CDH11: variants seen among roughly 807,000 people sequenced by gnomAD.
CDH11 encodes cadherin-11.
Under a neutral mutation model 67.8 loss-of-function variants are expected in CDH11, and 11 were observed. That is an observed-to-expected ratio of 0.16 (90% CI 0.10 to 0.27). CDH11 has a LOEUF of 0.27. Ranked by LOEUF, CDH11 falls within the 10% of genes least tolerant of loss-of-function variation. The probability of loss-of-function intolerance (pLI) is 1.00; values close to 1 mark genes in which losing one functional copy is unlikely to be tolerated. For synonymous variants in CDH11, 419 were observed against 400.0 expected (o/e 1.05, Z -0.57); for missense variants, 847 against 1,031.2 (o/e 0.82, Z 2.45).
chr16:64,945,306 A>T lies in CDH11; in HGVS notation c.*2297T>A. 1 of 562,074 alleles carries T rather than the reference A, an allele frequency of 1.8e-6. No individual in the cohort carries two copies. The highest frequency in any genetic ancestry group is 2.0e-5 in the African/African-American group (1 of 49,920). The allele number at this position is 562,074 out of a possible 1,614,324, so 34.8% of individuals were successfully genotyped here. On this transcript the variant is annotated 3_prime_UTR_variant, in exon 13 of 13. Coordinates refer to ENST00000268603, the MANE Select transcript of CDH11 (RefSeq NM_001797.4). ...CTTAACGAAAAAATAAAAGGTAAAA[A>T]AAAAAAAAAAAAAGAAAAAGAAAAA...
At chr16:65,091,043 A>G (rs1025213949) in intron 1 of CDH11, among the ~76,000 whole-genome samples, 4 of 152,236 alleles carry the variant, frequency 2.6e-5, no homozygotes, top group Non-Finnish European at 4.4e-5. Context: ...TGATATACGC[A>G]TAAGTGCGTA....
At chr16:64,962,225 G>C (rs2071691718) in intron 11 of CDH11, among the ~76,000 whole-genome samples, 1 of 152,018 alleles carries the variant, frequency 6.6e-6, no homozygotes, top group African/African-American at 2.4e-5. Flanking sequence ...TAAAAATAGT[G>C]ACTAAGAAAA....
chr16:65,096,732 G>A (rs1048904707), intron 1 of CDH11, among the ~76,000 whole-genome samples: 1 of 151,386 alleles, frequency 6.6e-6, no homozygotes, highest in East Asian at 1.9e-4. Context: ...TATCCTGTTG[G>A]TTCTGTTCCC....
rs375631550 is a variant in CDH11 at position 65,084,087 on chromosome 16, C to A, written c.-297-30159G>T. Among the ~76,000 whole-genome samples the A allele has an allele frequency of 4.6e-5, 7 of 152,236 alleles. No individual in the cohort carries two copies. The South Asian group carries it at 6.2e-4, about 14-fold the overall frequency. ...CCCCACAGTCAAGAATTGTCCTGTT[C>A]AAAATGCCAATAAGTGCTGAAGTTG... On this transcript the variant is annotated intron_variant, in intron 1 of 12. Coordinates refer to ENST00000268603, the MANE Select transcript of CDH11 (RefSeq NM_001797.4).
At chr16:64,950,053 G>T (rs189221799) in intron 12 of CDH11, among the ~76,000 whole-genome samples, 1 of 152,104 alleles carries the variant, frequency 6.6e-6, no homozygotes, top group African/African-American at 2.4e-5. Context: ...TCCTGATTTG[G>T]TCAGTCACTA....
intron 3 of CDH11, among the ~76,000 whole-genome samples, chr16:65,002,027 T>A (rs1207630908): frequency 6.6e-6 from 1 of 152,158 alleles, no homozygotes; most frequent in Non-Finnish European, 1.5e-5. Context: ...TGTCATCAAA[T>A]CAAAGGTTGT....
At chr16:65,071,343 C>T (rs1466959832) in intron 1 of CDH11, among the ~76,000 whole-genome samples, 2 of 151,988 alleles carry the variant, frequency 1.3e-5, no homozygotes, top group African/African-American at 2.4e-5. Flanking sequence ...CACACAAACG[C>T]GTGCATACAC....
chr16:65,057,576 TG>T (rs1373949936), intron 1 of CDH11, among the ~76,000 whole-genome samples: 1 of 152,238 alleles, frequency 6.6e-6, no homozygotes, highest in African/African-American at 2.4e-5. Context: ...AGGATGCAGC[TG>T]TGACTGTGGC....
intron 1 of CDH11, among the ~76,000 whole-genome samples, chr16:65,120,154 A>C (rs1342290813): frequency 6.6e-6 from 1 of 152,180 alleles, no homozygotes; most frequent in Non-Finnish European, 1.5e-5. Context: ...GTCTGCACCT[A>C]CGTATTTGTA....
intron 2 of CDH11, among the ~76,000 whole-genome samples, chr16:65,046,874 G>A (rs1440785541): frequency 6.6e-6 from 1 of 152,174 alleles, no homozygotes; most frequent in African/African-American, 2.4e-5. Context: ...TTGGGAGGCC[G>A]AGGCGGGCAG....
chr16:65,015,015 T>TTTATTATTA (rs71143548), intron 2 of CDH11, among the ~76,000 whole-genome samples: 7,891 of 135,758 alleles, frequency 0.058, 492 homozygotes, highest in African/African-American at 0.15. Flanking sequence ...GCCTGGCTAA[T>TTTATTATTA]TTATTATTAT....
chr16:64,972,175 G>C, intron 9 of CDH11, 111 bp from the exon 10 acceptor site: 1 of 885,198 alleles, frequency 1.1e-6, no homozygotes, highest in Non-Finnish European at 1.8e-6. Context: ...GCAGTGCAGG[G>C]AAAGATGTTC....
At position 64,945,886 on chromosome 16, in the gene CDH11, C is replaced by T. The variant is rs994095152; in HGVS notation, c.*1717G>A. The T allele has an allele frequency of 4.4e-5, 46 of 1,057,038 alleles. No individual in the cohort carries two copies. Among genetic ancestry groups the T allele is most frequent in the African/African-American group, 9.9e-5 (6 of 60,580 alleles). The allele number at this position is 1,057,038 out of a possible 1,614,324, so 65.5% of individuals were successfully genotyped here. On this transcript the variant is annotated 3_prime_UTR_variant, in exon 13 of 13. Transcript: ENST00000268603. Reference sequence around the variant, plus strand: ...ATTGTCTGCAATCCAAGAAAAAGCACGTGCCCTGTGTGTAGGGGGAAAGAG... The same window carrying T: ...ATTGTCTGCAATCCAAGAAAAAGCATGTGCCCTGTGTGTAGGGGGAAAGAG...
chr16:65,042,151 G>C (rs2073878132), intron 2 of CDH11, among the ~76,000 whole-genome samples: 1 of 152,196 alleles, frequency 6.6e-6, no homozygotes, highest in Admixed American at 6.5e-5. Flanking sequence ...AGTATGGATG[G>C]CGCTGCCCTT....
chr16:65,062,448 T>C (rs1032307902), intron 1 of CDH11, among the ~76,000 whole-genome samples: 1 of 152,132 alleles, frequency 6.6e-6, no homozygotes, highest in African/African-American at 2.4e-5. Flanking sequence ...CTTTCCATAG[T>C]AAGAAAAGTA....
chr16:65,055,649 C>T (rs2074130029), intron 1 of CDH11, among the ~76,000 whole-genome samples: 1 of 152,192 alleles, frequency 6.6e-6, no homozygotes, highest in South Asian at 2.1e-4. Context: ...TCCTGCGTTT[C>T]ACCCATACTT....
rs928384859 is a variant in CDH11 at position 65,121,496 on chromosome 16, C to T, written c.-298+384G>A. On this transcript the variant is annotated intron_variant, in intron 1 of 12. Transcript: ENST00000268603. This position sits in a 1 kb window ranked among gnomAD's most constrained non-coding sequence, Gnocchi z 4.1. ...CGGGCACCGCGCCGTGGGCGACTTT[C>T]CCCAGAGATATGACCGGGGACAGTC... Among the ~76,000 whole-genome samples the T allele has an allele frequency of 2.0e-5, 3 of 152,136 alleles. No individual in the cohort carries two copies. The highest frequency in any genetic ancestry group is 1.5e-5 in the Non-Finnish European group (1 of 68,024).
chr16:65,071,208 G>A (rs1161773318), intron 1 of CDH11, among the ~76,000 whole-genome samples: 1 of 152,178 alleles, frequency 6.6e-6, no homozygotes, highest in East Asian at 1.9e-4. Context: ...GGTCAAGGCA[G>A]GGAAACCAGC....
At chr16:65,058,667 C>A (rs1461089489) in intron 1 of CDH11, among the ~76,000 whole-genome samples, 1 of 152,056 alleles carries the variant, frequency 6.6e-6, no homozygotes, top group Non-Finnish European at 1.5e-5. Flanking sequence ...GATTGTAGAT[C>A]ATGATTTTTT....
Sources: allele counts gnomAD v4.1 joint callset (sites outside exome capture counted in the v4.1 genomes callset), GRCh38; gene constraint gnomAD v4.1.1; non-coding constraint Gnocchi (gnomAD v3.1); transcripts MANE v1.5; gene names NCBI Gene and HGNC (gene_info 2026-07-23, HGNC 2026-07-21).